Variants in DPP10 observed in about 807,000 individuals in gnomAD.
DPP10 encodes the protein dipeptidyl peptidase like 10, also known as inactive dipeptidyl peptidase 10.
In DPP10, 33 loss-of-function variants were observed where a neutral mutation model predicts 120.9. The ratio of observed to expected loss-of-function variants is 0.27; its 90% CI spans 0.21 to 0.37. The LOEUF (loss-of-function observed/expected upper bound fraction) is 0.37. DPP10 is among the 10% of genes least tolerant of loss of function. The probability of loss-of-function intolerance (pLI) is 1.00; values close to 1 mark genes in which losing one functional copy is unlikely to be tolerated. For missense variants in DPP10, 816 were observed against 942.8 expected (o/e 0.87, Z 1.76); for synonymous variants, 337 against 326.1 (o/e 1.03, Z -0.36).
At chr2:115,468,719 G>C (rs2074489675) in intron 3 of DPP10, 1 of 376,036 alleles carries the variant, frequency 2.7e-6, no homozygotes, top group South Asian at 2.1e-5. Flanking sequence ...TATGACCAAG[G>C]AAGAAGAATT....
At chr2:115,186,744 T>G (rs2054468466) in intron 1 of DPP10, among the ~76,000 whole-genome samples, 1 of 152,196 alleles carries the variant, frequency 6.6e-6, no homozygotes, top group South Asian at 2.1e-4. Context: ...GGAGGAGCCA[T>G]GTCATGGAAA....
At chr2:114,453,587 C>T (rs755721527) in intron 1 of DPP10, among the ~76,000 whole-genome samples, 2 of 152,098 alleles carry the variant, frequency 1.3e-5, no homozygotes, top group Non-Finnish European at 2.9e-5. Flanking sequence ...CTCAAACCTT[C>T]ATTGTAACAC....
chr2:114,912,796 T>A (rs995470026), intron 1 of DPP10, among the ~76,000 whole-genome samples: 1 of 152,176 alleles, frequency 6.6e-6, no homozygotes, highest in African/African-American at 2.4e-5. Context: ...TGCAGCAGAC[T>A]ACATGATTCT....
intron 1 of DPP10, among the ~76,000 whole-genome samples, chr2:115,188,517 GTC>G (rs2054633278): frequency 6.6e-6 from 1 of 152,088 alleles, no homozygotes; most frequent in Admixed American, 6.5e-5. Flanking sequence ...ATATTTTAGG[GTC>G]TCTCAAGAAA....
At chr2:114,521,806 T>G (rs981873839) in intron 1 of DPP10, among the ~76,000 whole-genome samples, 5 of 135,752 alleles carry the variant, frequency 3.7e-5, no homozygotes, top group Non-Finnish European at 4.6e-5. Context: ...TATCCAAGGT[T>G]TTTTTTTTTT....
intron 3 of DPP10, among the ~76,000 whole-genome samples, chr2:115,419,943 C>T (rs1574788224): frequency 6.6e-6 from 1 of 152,218 alleles, no homozygotes; most frequent in East Asian, 1.9e-4. Flanking sequence ...GAACTTTCCC[C>T]TTGCAATTGT....
chr2:114,660,547 C>A (rs571343240), intron 1 of DPP10, among the ~76,000 whole-genome samples: 1 of 152,220 alleles, frequency 6.6e-6, no homozygotes, highest in African/African-American at 2.4e-5. Flanking sequence ...GTGCAAAGGG[C>A]TTAGAAACAA....
chr2:115,518,284 T>C (rs1218764316), intron 4 of DPP10, among the ~76,000 whole-genome samples: 2 of 152,202 alleles, frequency 1.3e-5, no homozygotes, highest in East Asian at 3.9e-4. Context: ...GGAATATATA[T>C]GAATATATCA....
intron 1 of DPP10, among the ~76,000 whole-genome samples, chr2:114,681,794 A>T (rs1405774931): frequency 6.6e-6 from 1 of 152,032 alleles, no homozygotes; most frequent in Non-Finnish European, 1.5e-5. Context: ...GTCATCCAAC[A>T]TTGTTATGAT....
chr2:115,664,051 C>T (rs2089243728), intron 5 of DPP10, among the ~76,000 whole-genome samples: 1 of 151,588 alleles, frequency 6.6e-6, no homozygotes, highest in African/African-American at 2.4e-5. Context: ...TCTACATTCA[C>T]ACTTTATATC....
intron 3 of DPP10, among the ~76,000 whole-genome samples, chr2:115,350,227 A>G (rs1439922394): frequency 1.3e-5 from 2 of 152,122 alleles, no homozygotes; most frequent in Non-Finnish European, 2.9e-5. Flanking sequence ...TATTAATTGA[A>G]AATAGCACAA....
chr2:114,866,112 AAAATAAATAAAT>A lies in DPP10; in HGVS notation c.60+423302_60+423313del, dbSNP rs10650348. 3.3e-3 allele frequency among the ~76,000 whole-genome samples: 465 copies of A among 141,674 alleles called. 2 individuals carry two copies. The highest frequency in any genetic ancestry group is 0.011 in the African/African-American group (410 of 38,726). The allele number at this position is 141,674 out of a possible 152,430, so 92.9% of individuals were successfully genotyped here. A position where few individuals can be genotyped will look rare whatever the true frequency, so the allele number is the denominator to read the frequency against. On this transcript the variant is annotated intron_variant, in intron 1 of 25. Coordinates refer to ENST00000410059, the MANE Select transcript of DPP10 (RefSeq NM_020868.6). ...AGTAACAGAGTGAGACTCTGTCTCA[AAAATAAATAAAT>A]AAATAAATAAATAAATAAATAAATA...
intron 1 of DPP10, among the ~76,000 whole-genome samples, chr2:114,506,430 T>G (rs1278404218): frequency 6.6e-6 from 1 of 152,146 alleles, no homozygotes; most frequent in Non-Finnish European, 1.5e-5. Flanking sequence ...TCCTGTGACC[T>G]TATTCCTCCT....
chr2:114,632,348 T>C (rs190488180), intron 1 of DPP10, among the ~76,000 whole-genome samples: 96 of 152,142 alleles, frequency 6.3e-4, no homozygotes, highest in Non-Finnish European at 1.1e-3. Context: ...GATACATTCT[T>C]AATAAATTAC....
intron 1 of DPP10, among the ~76,000 whole-genome samples, chr2:115,300,242 G>A: frequency 6.6e-6 from 1 of 151,898 alleles, no homozygotes; most frequent in Non-Finnish European, 1.5e-5. Flanking sequence ...CCTCTCTTCA[G>A]CCCCTAACAA....
intron 1 of DPP10, among the ~76,000 whole-genome samples, chr2:114,789,535 C>T (rs968296136): frequency 6.6e-6 from 1 of 152,118 alleles, no homozygotes; most frequent in Admixed American, 6.5e-5. Context: ...TCAAGATACA[C>T]CCCAGGCCTG....
chr2:114,708,011 G>C (rs866171868), intron 1 of DPP10, among the ~76,000 whole-genome samples: 1 of 152,166 alleles, frequency 6.6e-6, no homozygotes, highest in South Asian at 2.1e-4. Flanking sequence ...ACTCTGGCAG[G>C]GACTCAAAGG....
At chr2:115,171,776 C>T (rs1006192173) in intron 1 of DPP10, among the ~76,000 whole-genome samples, 3 of 151,774 alleles carry the variant, frequency 2.0e-5, no homozygotes, top group African/African-American at 4.8e-5. Context: ...AGGCAAGGCT[C>T]ATTTGACATT....
chr2:115,070,182 G>A (rs965523947), intron 1 of DPP10, among the ~76,000 whole-genome samples: 2 of 152,050 alleles, frequency 1.3e-5, no homozygotes, highest in Non-Finnish European at 2.9e-5. Context: ...TCATGCAAAT[G>A]TGACATTACA....
Sources: allele counts gnomAD v4.1 joint callset (sites outside exome capture counted in the v4.1 genomes callset), GRCh38; gene constraint gnomAD v4.1.1; transcripts MANE v1.5; gene names NCBI Gene and HGNC (gene_info 2026-07-23, HGNC 2026-07-21).